Variants in SHOC1 observed in about 807,000 individuals in gnomAD.
The protein encoded by SHOC1 is shortage in chiasmata 1.
Under a neutral mutation model 179.2 loss-of-function variants are expected in SHOC1, and 136 were observed. The ratio of observed to expected loss-of-function variants is 0.76; its 90% CI spans 0.66 to 0.87. The LOEUF is 0.87. Among genes scored for constraint, SHOC1 ranks in the 40% least tolerant of loss-of-function variants. The pLI, the probability that SHOC1 is intolerant of heterozygous loss-of-function variation, is 0.00. For synonymous variants in SHOC1, 489 were observed against 586.6 expected, an observed-to-expected ratio of 0.83 and a Z score of 2.41; for missense variants, 1,538 against 1,700.8, an observed-to-expected ratio of 0.90 and a Z score of 1.68.
At chr9:111,732,076 A>G (rs1833598747) in intron 12 of SHOC1, among the ~76,000 whole-genome samples, 1 of 152,232 alleles carries the variant, frequency 6.6e-6, no homozygotes, top group Non-Finnish European at 1.5e-5. Flanking sequence ...GGGAAATAGA[A>G]TTAAAACCAC....
Position 111,692,297 on chromosome 9 carries a change from A to C in SHOC1, c.3680T>G (p.Leu1227Trp). 1 of 1,613,468 alleles carries C rather than the reference A, an allele frequency of 6.2e-7. No homozygotes were observed. Among genetic ancestry groups the C allele is most frequent in the Non-Finnish European group, 8.5e-7 (1 of 1,179,504 alleles). The change falls in exon 27 of 28, where the codon TTG (leucine) becomes TGG (tryptophan). Residue 1227 changes from leucine (L) to tryptophan (W), a missense_variant. Transcript: ENST00000682961. ...TTCCATAATGGAAGAGTTGTCATTCAAAATGGTGGTTTTGTCTTCCTGCAC... is the reference window on the plus strand; with the variant it reads ...TTCCATAATGGAAGAGTTGTCATTCCAAATGGTGGTTTTGTCTTCCTGCAC... ...ETVQEDKTTI[L>W]NDNSSIMELK...
At position 111,738,528 on chromosome 9, in the gene SHOC1, A is replaced by C. The variant is rs201186366; in HGVS notation, c.1175-6T>G. 94 of 1,534,886 alleles carry C rather than the reference A, an allele frequency of 6.1e-5. No homozygotes were observed. In the Middle Eastern group the frequency reaches 1.8e-3, roughly 29 times the overall value. ...GGGCTCTTGAATTCTTGGCACTTAA[A>C]AAAAAATAAAAAACAAATAGTTAGA... On this transcript the variant is annotated splice_region_variant and splice_polypyrimidine_tract_variant and intron_variant, in intron 11 of 27. Coordinates refer to ENST00000682961, the MANE Select transcript of SHOC1 (RefSeq NM_001378211.1).
At chr9:111,697,011 A>G (rs563434335) in intron 24 of SHOC1, among the ~76,000 whole-genome samples, 30 of 152,288 alleles carry the variant, frequency 2.0e-4, no homozygotes, top group African/African-American at 6.7e-4. Flanking sequence ...CTTTGTGCAA[A>G]GCACTATGCT....
chr9:111,727,646 A>T lies in SHOC1; in HGVS notation c.1821T>A (p.Ser607Arg). The T allele has an allele frequency of 6.4e-7, 1 of 1,570,950 alleles. No individual in the cohort carries two copies. The highest frequency in any genetic ancestry group is 8.6e-7 in the Non-Finnish European group (1 of 1,163,118). ...TAAATTACTTACCATGTTTTTCATC[A>T]CTGTTTGTGACTTCAGTCTTTGAGG... The part of the protein sequence containing the change: ...TCTSKTEVTN[S>R]DEKHDKEACS... Residue 607 changes from serine (S) to arginine (R), a missense_variant, in exon 13 of 28, where the codon AGT (serine) becomes AGA (arginine). Coordinates refer to ENST00000682961, the MANE Select transcript of SHOC1 (RefSeq NM_001378211.1).
At chr9:111,773,160 T>G (rs1835687413) in intron 5 of SHOC1, among the ~76,000 whole-genome samples, 1 of 152,254 alleles carries the variant, frequency 6.6e-6, no homozygotes, top group African/African-American at 2.4e-5. Flanking sequence ...GTATATTTGT[T>G]TTTGGTTTCC....
intron 15 of SHOC1, 36 bp downstream of exon 15, chr9:111,722,372 TA>T: frequency 6.5e-7 from 1 of 1,539,332 alleles, no homozygotes; most frequent in African/African-American, 1.4e-5. Flanking sequence ...TTTCTAAGCA[TA>T]TCTTTTTAAA....
rs1333341864 is a variant in SHOC1, at chr9:111,693,780, C to T, written c.3465+19G>A. On this transcript the variant is annotated intron_variant, in intron 26 of 27. Coordinates refer to ENST00000682961, the MANE Select transcript of SHOC1 (RefSeq NM_001378211.1). ...AAGGAAATAAATTCATATCATAGTACAGATCTCAAATAACTAACCTTTAAC... is the reference window on the plus strand; with the variant it reads ...AAGGAAATAAATTCATATCATAGTATAGATCTCAAATAACTAACCTTTAAC... 6 of 1,560,200 alleles carry T rather than the reference C, an allele frequency of 3.8e-6. No individual in the cohort carries two copies. The highest frequency in any genetic ancestry group is 5.3e-6 in the Non-Finnish European group (6 of 1,141,018).
intron 8 of SHOC1, among the ~76,000 whole-genome samples, chr9:111,754,053 T>C (rs1834737574): frequency 1.3e-5 from 2 of 152,140 alleles, no homozygotes; most frequent in African/African-American, 4.8e-5. Flanking sequence ...TCTCATCACA[T>C]ACAAAAAAGT....
chr9:111,754,081 A>C (rs1834739699), intron 8 of SHOC1, among the ~76,000 whole-genome samples: 2 of 152,230 alleles, frequency 1.3e-5, no homozygotes, highest in South Asian at 4.1e-4. Context: ...AGATGATGAT[A>C]AGTTAATTAG....
intron 4 of SHOC1, among the ~76,000 whole-genome samples, chr9:111,779,991 TG>T (rs1835976533): frequency 3.9e-5 from 6 of 152,252 alleles, no homozygotes; most frequent in African/African-American, 1.2e-4. Context: ...GCTTCCTCGC[TG>T]CTAGGAGTTT....
intron 24 of SHOC1, among the ~76,000 whole-genome samples, chr9:111,696,785 G>A (rs1403065833): frequency 6.6e-6 from 1 of 152,148 alleles, no homozygotes; most frequent in Non-Finnish European, 1.5e-5. Context: ...CCCTGAGCTG[G>A]GAAGAGAAGA....
intron 19 of SHOC1, 42 bp from the exon 20 acceptor site, chr9:111,706,788 G>T: frequency 2.2e-6 from 3 of 1,383,572 alleles, no homozygotes; most frequent in South Asian, 1.6e-5. Flanking sequence ...TTATACTTGT[G>T]TTATTATTTT....
chr9:111,780,845 G>C (rs948643393), intron 4 of SHOC1, 85 bp downstream of exon 4: 1 of 905,442 alleles, frequency 1.1e-6, no homozygotes, highest in African/African-American at 1.7e-5. Context: ...TAAAGGAAGA[G>C]ATTTTCCCTC....
At chr9:111,772,562 T>A (rs984806409) in intron 5 of SHOC1, among the ~76,000 whole-genome samples, 5 of 152,228 alleles carry the variant, frequency 3.3e-5, no homozygotes, top group African/African-American at 1.2e-4. Flanking sequence ...TTTTATTGGA[T>A]ATATTTTCTT....
intron 12 of SHOC1, among the ~76,000 whole-genome samples, chr9:111,728,257 A>AT (rs1833400195): frequency 6.6e-6 from 1 of 152,156 alleles, no homozygotes; most frequent in East Asian, 1.9e-4. Flanking sequence ...TTCTTACTAT[A>AT]GGAGCTAGTT....
At chr9:111,777,698 T>C (rs1395318272) in intron 4 of SHOC1, among the ~76,000 whole-genome samples, 1 of 152,226 alleles carries the variant, frequency 6.6e-6, no homozygotes, top group Non-Finnish European at 1.5e-5. Flanking sequence ...AAATATATTA[T>C]TGGCAACTTA....
At chr9:111,761,084 T>C (rs905068144) in intron 5 of SHOC1, among the ~76,000 whole-genome samples, 2 of 152,124 alleles carry the variant, frequency 1.3e-5, no homozygotes, top group South Asian at 2.1e-4. Flanking sequence ...ATAATGTGAG[T>C]GGCATTTCTA....
At chr9:111,730,608 T>C (rs1833521389) in intron 12 of SHOC1, among the ~76,000 whole-genome samples, 1 of 152,234 alleles carries the variant, frequency 6.6e-6, no homozygotes, top group Non-Finnish European at 1.5e-5. Flanking sequence ...CCTTAAAATA[T>C]TGTAAGCCAT....
intron 5 of SHOC1, among the ~76,000 whole-genome samples, chr9:111,767,093 CTGT>C: frequency 6.6e-6 from 1 of 151,560 alleles, no homozygotes; most frequent in East Asian, 1.9e-4. Context: ...GGTTATTAAT[CTGT>C]TGTCAGATGG....
Sources: allele counts gnomAD v4.1 joint callset (sites outside exome capture counted in the v4.1 genomes callset), GRCh38; gene constraint gnomAD v4.1.1; transcripts MANE v1.5; gene names NCBI Gene and HGNC (gene_info 2026-07-23, HGNC 2026-07-21).